Variants in TRAF1 observed in about 807,000 individuals in gnomAD.
TRAF1 encodes the protein TNF receptor-associated factor 1.
TRAF1 carries 23 observed loss-of-function variants against 40.9 expected under a neutral mutation model. That is an observed-to-expected ratio of 0.56 (90% CI 0.40 to 0.80). The LOEUF (loss-of-function observed/expected upper bound fraction) is 0.80, where lower values mean the gene tolerates loss of function less well. TRAF1 is among the 30% of genes least tolerant of loss of function. The pLI is 0.00. For missense variants in TRAF1, 477 were observed against 528.7 expected (o/e 0.90, Z 0.96); for synonymous variants, 206 against 218.8 (o/e 0.94, Z 0.52).
In TRAF1 at chr9:120,909,314, A is replaced by C; in HGVS notation, c.948T>G (p.Thr316=). ...AGAGCGACAGATGGGTTCTCTTTCCAGTGCCATCTCCATTCAGGTACAGCC... is the reference window on the plus strand; with the variant it reads ...AGAGCGACAGATGGGTTCTCTTTCCCGTGCCATCTCCATTCAGGTACAGCC... ...CLRLYLNGDG[T]GKRTHLSLFI... is the part of the protein sequence containing the mutation. The change falls in exon 7 of 8, where the codon ACT becomes ACG. Residue 316 remains threonine, a synonymous_variant. Coordinates refer to ENST00000373887, the MANE Select transcript of TRAF1 (RefSeq NM_005658.5). 1.9e-6 allele frequency: 3 copies of C among 1,614,184 alleles called. No homozygotes were observed. The highest frequency in any genetic ancestry group is 1.7e-6 in the Non-Finnish European group (2 of 1,180,034).
At chr9:120,915,286 C>G (rs977452908) in intron 3 of TRAF1, among the ~76,000 whole-genome samples, 13 of 152,186 alleles carry the variant, frequency 8.5e-5, no homozygotes, top group Non-Finnish European at 4.4e-5. Context: ...CCCTAGGCTA[C>G]AAACCTGTAC....
In TRAF1 at chr9:120,903,623, T is replaced by A. The variant is rs4836834; in HGVS notation, c.*1397A>T. On this transcript the variant is annotated 3_prime_UTR_variant, in exon 8 of 8. Transcript: ENST00000373887. ...GGGAGAGTAGTAGGGTCCTGACTTG[T>A]CTCAGGGTCTTTGGAAAGTTGGGTG... 68,080 of 152,284 alleles carry A rather than the reference T, an allele frequency of 0.45. 18,024 individuals are homozygous for A. Among genetic ancestry groups the A allele is most frequent in the South Asian group, 0.69 (3,345 of 4,830 alleles). 9.4% of individuals were successfully genotyped at this position (152,284 alleles called of 1,614,324 possible). A position where few individuals can be genotyped will look rare whatever the true frequency, so the allele number is the denominator to read the frequency against.
chr9:120,909,479 C>T, intron 6 of TRAF1, 101 bp from the exon 7 acceptor site: 1 of 1,408,828 alleles, frequency 7.1e-7, no homozygotes, highest in East Asian at 2.3e-5. Flanking sequence ...GGCTCAAAAC[C>T]ATGAAAGATG....
At chr9:120,916,886 T>C (rs1365255783) in intron 3 of TRAF1, among the ~76,000 whole-genome samples, 2 of 152,198 alleles carry the variant, frequency 1.3e-5, no homozygotes, top group Admixed American at 1.3e-4. Flanking sequence ...ATGCTATGTG[T>C]AGACCTGGCT....
At chr9:120,921,989 A>C (rs941326034) in intron 3 of TRAF1, among the ~76,000 whole-genome samples, 2 of 152,186 alleles carry the variant, frequency 1.3e-5, no homozygotes, top group African/African-American at 4.8e-5. Flanking sequence ...AGATACAGAA[A>C]CAGGGCCTGG....
chr9:120,923,814 C>G (rs2046620566), intron 2 of TRAF1, 22 bp from the exon 3 acceptor site: 1 of 1,612,022 alleles, frequency 6.2e-7, no homozygotes, highest in South Asian at 1.1e-5. Context: ...TGGACAAAGC[C>G]TTGGAGAGAG....
Position 120,905,062 on chromosome 9 carries a change from G to C in TRAF1, c.1209C>G (p.Asp403Glu), listed in dbSNP as rs138123440. 22 of 1,614,120 alleles carry C rather than the reference G, an allele frequency of 1.4e-5. No individual in the cohort carries two copies. The highest frequency in any genetic ancestry group is 1.7e-5 in the Non-Finnish European group (20 of 1,180,054). Residue 403 changes from aspartate to glutamate, a missense_variant, in exon 8 of 8, where the codon GAC (aspartate) becomes GAG (glutamate). Coordinates refer to ENST00000373887, the MANE Select transcript of TRAF1 (RefSeq NM_005658.5). The stretch of plus-strand genomic sequence containing the variant: ...CAATGCACTTGAGGAACATTGTGTC[G>C]TCCTTCACGTAGGCGTGCTTGGGTG... Reference protein sequence around the residue: ...LQSPKHAYVKDDTMFLKCIVE... With the variant: ...LQSPKHAYVKEDTMFLKCIVE...
At chr9:120,918,471 C>G (rs913130596) in intron 3 of TRAF1, among the ~76,000 whole-genome samples, 2 of 151,852 alleles carry the variant, frequency 1.3e-5, no homozygotes, top group Non-Finnish European at 2.9e-5. Context: ...AATTAGTATT[C>G]TTATTCCTGT....
intron 2 of TRAF1, 82 bp downstream of exon 2, chr9:120,925,854 G>A (rs2046636440): frequency 6.3e-7 from 1 of 1,583,860 alleles, no homozygotes; most frequent in African/African-American, 1.4e-5. Flanking sequence ...GAAGTCACAG[G>A]CTCCTCTGCC....
chr9:120,906,080 G>A (rs375060736), intron 7 of TRAF1, among the ~76,000 whole-genome samples: 6 of 151,786 alleles, frequency 4.0e-5, no homozygotes, highest in African/African-American at 1.5e-4. Context: ...CAGACCTGAG[G>A]TCTCTATTCT....
intron 5 of TRAF1, 41 bp from the exon 6 acceptor site, chr9:120,911,554 C>G: frequency 3.1e-6 from 5 of 1,589,394 alleles, no homozygotes; most frequent in Non-Finnish European, 4.3e-6. Context: ...CAGAACCCGG[C>G]TTGGGGATGG....
chr9:120,913,727 C>T lies in TRAF1; in HGVS notation c.306G>A (p.Gln102=), dbSNP rs375041013. Residue 102 remains glutamine (Q), a synonymous_variant, in exon 5 of 8, where the codon CAG becomes CAA. Transcript: ENST00000373887. ...AGGTGACCTCATGCTCTTGCACAGACTGTGGGCTTCCCTGACAAGAGAGTG... is the reference window on the plus strand; with the variant it reads ...AGGTGACCTCATGCTCTTGCACAGATTGTGGGCTTCCCTGACAAGAGAGTG... ...GVGCSFKGSP[Q]SVQEHEVTSQ... 1.9e-6 allele frequency: 3 copies of T among 1,568,638 alleles called. No individual in the cohort carries two copies.
In TRAF1 at chr9:120,905,071, G is replaced by A. The variant is rs750776538; in HGVS notation, c.1200C>T (p.Tyr400=). The change falls in exon 8 of 8, where the codon TAC becomes TAT. Residue 400 remains tyrosine, a synonymous_variant. Transcript: ENST00000373887. The stretch of plus-strand genomic sequence containing the variant: ...TGAGGAACATTGTGTCGTCCTTCAC[G>A]TAGGCGTGCTTGGGTGACTGCAGTT... ...LSKLQSPKHA[Y]VKDDTMFLKC... is the part of the protein sequence containing the mutation. The A allele has an allele frequency of 1.1e-5, 18 of 1,614,118 alleles. No homozygotes were observed. Among genetic ancestry groups the A allele is most frequent in the East Asian group, 4.5e-5 (2 of 44,898 alleles).
In TRAF1 at chr9:120,909,422, G is replaced by A. The variant is rs758964655; in HGVS notation, c.884-44C>T. On this transcript the variant is annotated intron_variant, in intron 6 of 7. Coordinates refer to ENST00000373887, the MANE Select transcript of TRAF1 (RefSeq NM_005658.5). ...AGGCAGTTGGGAAGTGCTGGACTTT[G>A]CAGATGTGGGACTGGGATCCAGTGG... The A allele has an allele frequency of 5.6e-6, 9 of 1,599,152 alleles. No individual in the cohort carries two copies. In the Admixed American group the frequency reaches 8.4e-5, roughly 15 times the overall value.
chr9:120,915,229 G>T (rs146513064), intron 3 of TRAF1, among the ~76,000 whole-genome samples: 1 of 152,194 alleles, frequency 6.6e-6, no homozygotes, highest in Non-Finnish European at 1.5e-5. Flanking sequence ...ACACAAACCT[G>T]GATGGTATAC....
Position 120,909,369 on chromosome 9 carries a change from G to A in TRAF1, c.893C>T (p.Thr298Ile). Residue 298 changes from threonine to isoleucine, a missense_variant, in exon 7 of 8, where the codon ACT becomes ATT. Thr to Ile is a moderately conservative substitution (Grantham distance 89). Transcript: ENST00000373887. ...TVSLFSPAFY[T>I]AKYGYKLCLR... ...GCACAACTTGTAGCCATACTTGGCA[G>A]TGTAGAAGGCTGAAACGCAGAAGCC... The A allele has an allele frequency of 6.2e-7, 1 of 1,613,932 alleles. No individual in the cohort carries two copies. The highest frequency in any genetic ancestry group is 1.7e-4 in the Middle Eastern group (1 of 6,058).
intron 7 of TRAF1, among the ~76,000 whole-genome samples, chr9:120,907,015 C>T (rs1285416208): frequency 6.6e-6 from 1 of 152,120 alleles, no homozygotes; most frequent in African/African-American, 2.4e-5. Context: ...ATTACAGGCA[C>T]ACATCACAAT....
In TRAF1 at chr9:120,911,510, C is replaced by A. The variant is rs1032713845; in HGVS notation, c.709G>T (p.Val237Leu). The A allele has an allele frequency of 6.2e-7, 1 of 1,610,978 alleles. No homozygotes were observed. Among genetic ancestry groups the A allele is most frequent in the Admixed American group, 1.7e-5 (1 of 59,986 alleles). Residue 237 changes from valine to leucine, a missense_variant, in exon 6 of 8, where the codon GTG becomes TTG. Physicochemically the swap from Val to Leu is conservative, Grantham distance 32. Coordinates refer to ENST00000373887, the MANE Select transcript of TRAF1 (RefSeq NM_005658.5). The part of the protein sequence containing the change: ...ERILSLEQRV[V>L]ELQQTLAQKD... Reference sequence around the variant, plus strand: ...TGGGCCAGGGTCTGCTGAAGCTCCACCACCTGTAGGGAAGACTGTTCAGCC... The same window carrying A: ...TGGGCCAGGGTCTGCTGAAGCTCCAACACCTGTAGGGAAGACTGTTCAGCC...
chr9:120,923,971 T>G (rs944645984), intron 2 of TRAF1, among the ~76,000 whole-genome samples, 179 bp from the exon 3 acceptor site: 1 of 152,166 alleles, frequency 6.6e-6, no homozygotes, highest in African/African-American at 2.4e-5. Flanking sequence ...TTTGGTAGTT[T>G]GCAGTGAGCT....
Sources: allele counts gnomAD v4.1 joint callset (sites outside exome capture counted in the v4.1 genomes callset), GRCh38; gene constraint gnomAD v4.1.1; transcripts MANE v1.5; gene names NCBI Gene and HGNC (gene_info 2026-07-23, HGNC 2026-07-21).